Variants in NUP205 observed in about 807,000 individuals in gnomAD.
NUP205 encodes the protein nucleoporin 205.
In NUP205, 76 loss-of-function variants were observed where a neutral mutation model predicts 253.8. The observed-to-expected ratio is 0.30, with a 90% CI of 0.25 to 0.36. The LOEUF (loss-of-function observed/expected upper bound fraction) is 0.36, where lower values mean the gene tolerates loss of function less well. Among genes scored for constraint, NUP205 ranks in the 10% least tolerant of loss-of-function variants. The pLI, the probability that NUP205 is intolerant of heterozygous loss-of-function variation, is 1.00. For missense variants in NUP205, 2,162 were observed against 2,425.5 expected (o/e 0.89, Z 2.28); for synonymous variants, 832 against 850.1 (o/e 0.98, Z 0.37).
Position 135,590,540 on chromosome 7 carries a change from C to A in NUP205, c.1474-910C>A, listed in dbSNP as rs1806601077. Among the ~76,000 whole-genome samples, 2 of 145,390 alleles carry A rather than the reference C, an allele frequency of 1.4e-5. 1 individual carries two copies. The highest frequency in any genetic ancestry group is 4.1e-4 in the East Asian group (2 of 4,874). ...GTTATTTTGCTACATCATCATAAAA[C>A]CTTTTTTTTTTTTTGGAGACGGAGT... On this transcript the variant is annotated intron_variant, in intron 10 of 42. Transcript: ENST00000285968.
At chr7:135,616,555 T>G in intron 24 of NUP205, 100 bp from the exon 25 acceptor site, 11 of 607,788 alleles carry the variant, frequency 1.8e-5, no homozygotes, top group Admixed American at 3.3e-5. Context: ...GTAGAAACAA[T>G]GACCTAGAAA....
intron 28 of NUP205, 149 bp from the exon 29 acceptor site, chr7:135,619,274 C>A: frequency 1.3e-6 from 1 of 785,056 alleles, no homozygotes; most frequent in Non-Finnish European, 2.0e-6. Flanking sequence ...CCCAGGAGGT[C>A]AAGGCTGAAG....
chr7:135,635,854 G>A (rs548791101), intron 36 of NUP205, among the ~76,000 whole-genome samples, 197 bp downstream of exon 36: 1 of 152,150 alleles, frequency 6.6e-6, no homozygotes, highest in East Asian at 1.9e-4. Context: ...CATTGTTGGG[G>A]GATGGGGAGG....
intron 22 of NUP205, among the ~76,000 whole-genome samples, chr7:135,607,904 A>G (rs1794122405): frequency 6.6e-6 from 1 of 150,812 alleles, no homozygotes; most frequent in African/African-American, 2.4e-5. Context: ...CCTGGATCAG[A>G]TGATCCTCCA....
chr7:135,609,401 C>T (rs1467187461), intron 22 of NUP205, among the ~76,000 whole-genome samples: 4 of 147,844 alleles, frequency 2.7e-5, no homozygotes, highest in South Asian at 2.2e-4. Flanking sequence ...TGGCGTGAAC[C>T]CGGGAGGTGG....
At chr7:135,648,346 A>G in intron 42 of NUP205, 58 bp from the exon 43 acceptor site, 54 of 1,417,500 alleles carry the variant, frequency 3.8e-5, no homozygotes, top group Non-Finnish European at 5.0e-5. Flanking sequence ...GAAGACTTAG[A>G]ATAAAAGAAA....
chr7:135,567,804 C>G (rs1805826973), intron 1 of NUP205, among the ~76,000 whole-genome samples: 1 of 152,166 alleles, frequency 6.6e-6, no homozygotes, highest in Non-Finnish European at 1.5e-5. Context: ...TAAGTTTCAT[C>G]TGTTGAGTAA....
chr7:135,609,451 C>G (rs892026521), intron 22 of NUP205, among the ~76,000 whole-genome samples: 1 of 150,792 alleles, frequency 6.6e-6, no homozygotes, highest in Non-Finnish European at 1.5e-5. Context: ...GCACTCCAGC[C>G]TAGGCGACAG....
chr7:135,613,583 C>G (rs1446147807), intron 22 of NUP205: 1 of 150,420 alleles, frequency 6.6e-6, no homozygotes, highest in East Asian at 1.9e-4. Flanking sequence ...TGTCACCAGG[C>G]TGGAGTGCAG....
rs374955321 is a variant in NUP205, at chr7:135,626,199, A to G, written c.4672-41A>G. 4 of 1,610,744 alleles carry G rather than the reference A, an allele frequency of 2.5e-6. No homozygotes were observed. In the African/African-American group the frequency reaches 4.0e-5, roughly 16 times the overall value. ...GCACTTTTCTCTGAGGCCCTTGGAC[A>G]TGATTTCAGCACTGATGATTTTTCT... On this transcript the variant is annotated intron_variant, in intron 32 of 42. Coordinates refer to ENST00000285968, the MANE Select transcript of NUP205 (RefSeq NM_015135.3).
Sources: gnomAD v4.1 joint callset for allele counts (sites outside exome capture counted in the v4.1 genomes callset) on GRCh38, gnomAD v4.1.1 for gene constraint, MANE v1.5 for transcripts, NCBI Gene and HGNC (gene_info 2026-07-23, HGNC 2026-07-21) for gene names.